The following RHBDF2 variants were observed in gnomAD, a reference collection of about 807,000 sequenced individuals.
The protein encoded by RHBDF2 is rhomboid 5 homolog 2, also known as inactive rhomboid protein 2.
In RHBDF2, 38 loss-of-function variants were observed where a neutral mutation model predicts 95.2. That is an observed-to-expected ratio of 0.40 (90% CI 0.31 to 0.52). RHBDF2 has a LOEUF of 0.52. RHBDF2 is among the 20% of genes least tolerant of loss of function. The pLI, the probability that RHBDF2 is intolerant of heterozygous loss-of-function variation, is 0.56. For synonymous variants in RHBDF2, 442 were observed against 462.0 expected (o/e 0.96, Z 0.55); for missense variants, 863 against 1,137.7 (o/e 0.76, Z 3.47).
chr17:76,481,504 A>C lies in RHBDF2; in HGVS notation c.21T>G (p.Asn7Lys). Reference sequence around the variant, plus strand: ...TGGACACAGAGGACACGCTCCCGCCATTCTTGTCAGCAGAGGCCATTGTGG... The same window carrying C: ...TGGACACAGAGGACACGCTCCCGCCCTTCTTGTCAGCAGAGGCCATTGTGG... MASADK[N>K]GGSVSSVSSS... Residue 7 changes from asparagine to lysine, a missense_variant, in exon 3 of 19, where the codon AAT becomes AAG. By Grantham distance (94) the Asn-to-Lys change is moderately conservative. This residue lies in a region of RHBDF2 where 611 missense variants were observed against 725.5 expected (regional missense o/e 0.84). Transcript: ENST00000675367. 1 of 1,610,710 alleles carries C rather than the reference A, an allele frequency of 6.2e-7. No homozygotes were observed.
intron 2 of RHBDF2, 37 bp from the exon 3 acceptor site, chr17:76,481,582 C>G (rs1056267843): frequency 4.8e-5 from 75 of 1,554,868 alleles, no homozygotes; most frequent in Middle Eastern, 2.1e-4. Flanking sequence ...GTGGGCGGTG[C>G]GGGGTGGCGC....
chr17:76,492,196 G>T (rs985625765), intron 1 of RHBDF2, among the ~76,000 whole-genome samples: 1 of 152,200 alleles, frequency 6.6e-6, no homozygotes, highest in Non-Finnish European at 1.5e-5. Context: ...CTCCTTTAGG[G>T]TGGGGCGGGG....
At chr17:76,490,261 G>A (rs7207683) in intron 1 of RHBDF2, among the ~76,000 whole-genome samples, 49,740 of 152,018 alleles carry the variant, frequency 0.33, 9,076 homozygotes, top group East Asian at 0.62. Flanking sequence ...CTTCCATCCC[G>A]AAGTGCTGGG....
intron 2 of RHBDF2, among the ~76,000 whole-genome samples, chr17:76,485,350 G>T (rs1341017122): frequency 6.6e-6 from 1 of 150,754 alleles, no homozygotes; most frequent in Non-Finnish European, 1.5e-5. Flanking sequence ...GGTGGAGTTA[G>T]CGGTGAGCCG....
Position 76,473,075 on chromosome 17 carries a change from G to C in RHBDF2, c.1840C>G (p.Leu614Val). 1 of 1,614,080 alleles carries C rather than the reference G, an allele frequency of 6.2e-7. No individual in the cohort carries two copies. The highest frequency in any genetic ancestry group is 1.1e-5 in the South Asian group (1 of 91,084). The part of the protein sequence containing the change: ...VHCLDKVCGL[L>V]PFLNPEVPDQ... ...GGGACCTCAGGGTTGAGGAAGGGCA[G>C]CAGCCCACACACCTTGTCCAAGCAG... The change falls in exon 17 of 19, where the codon CTG (leucine) becomes GTG (valine). Residue 614 changes from leucine (L) to valine (V), a missense_variant. Transcript: ENST00000675367.
rs911005069 is a variant in RHBDF2, at chr17:76,472,428, T to C, written c.2064+258A>G. 6.3e-5 allele frequency: 38 copies of C among 598,476 alleles called. 1 individual carries two copies. The highest frequency in any genetic ancestry group is 9.9e-5 in the Non-Finnish European group (33 of 332,646). The allele number at this position is 598,476 out of a possible 1,614,324, so 37.1% of individuals were successfully genotyped here. A position where few individuals can be genotyped will look rare whatever the true frequency, so the allele number is the denominator to read the frequency against. On this transcript the variant is annotated intron_variant, in intron 18 of 18. Coordinates refer to ENST00000675367, the MANE Select transcript of RHBDF2 (RefSeq NM_001005498.4). ...TCCTACCGCTCGACCTGCAGATACC[T>C]AGCATACTGTCAGGCAGTGGGCACG...
At chr17:76,489,210 G>A (rs1225125344) in intron 1 of RHBDF2, among the ~76,000 whole-genome samples, 1 of 152,126 alleles carries the variant, frequency 6.6e-6, no homozygotes, top group East Asian at 1.9e-4. Flanking sequence ...GATACTTAAG[G>A]CAAAGTTCAA....
chr17:76,474,386 C>T lies in RHBDF2; in HGVS notation c.1451G>A (p.Arg484Gln), dbSNP rs763605935. The T allele has an allele frequency of 5.2e-5, 84 of 1,613,116 alleles. 1 individual carries two copies. In the Middle Eastern group the frequency reaches 3.2e-3, roughly 62 times the overall value. Residue 484 changes from arginine (R) to glutamine (Q), a missense_variant, in exon 12 of 19, where the codon CGG becomes CAG. Arg to Gln is a conservative substitution (Grantham distance 43). Coordinates refer to ENST00000675367, the MANE Select transcript of RHBDF2 (RefSeq NM_001005498.4). ...NDHSGCIQTQRKDCSETLATF... is the reference protein window; with the variant it reads ...NDHSGCIQTQQKDCSETLATF... ...GCCTGCCCCCACCGAGCAGTCCTTC[C>T]GCTGGGTCTGGATGCATCCGGAGTG...
intron 1 of RHBDF2, among the ~76,000 whole-genome samples, chr17:76,489,325 G>GTT (rs71161301): frequency 0.34 from 44,556 of 131,438 alleles, 8,475 homozygotes; most frequent in Middle Eastern, 0.48. Flanking sequence ...GGGCATTCCT[G>GTT]TTTTTTTTTT....
At position 76,490,634 on chromosome 17, in the gene RHBDF2, C is replaced by T. The variant is rs141812033; in HGVS notation, c.-219-2725G>A. Among the ~76,000 whole-genome samples the T allele has an allele frequency of 7.2e-5, 11 of 152,170 alleles. No individual in the cohort carries two copies. The East Asian group carries it at 1.5e-3, about 21-fold the overall frequency. On this transcript the variant is annotated intron_variant, in intron 1 of 18. Coordinates refer to ENST00000675367, the MANE Select transcript of RHBDF2 (RefSeq NM_001005498.4). Reference sequence around the variant, plus strand: ...CTCCAGACTCCAGCTCAGTTAAGGTCGCCAAGCAGGTAGGATCTTTCTGGA... The same window carrying T: ...CTCCAGACTCCAGCTCAGTTAAGGTTGCCAAGCAGGTAGGATCTTTCTGGA...
intron 9 of RHBDF2, chr17:76,476,625 G>A: frequency 1.5e-6 from 1 of 663,222 alleles, no homozygotes; most frequent in Non-Finnish European, 2.4e-6. Context: ...TGGGGTGGAA[G>A]AGAGGCAGCA....
intron 1 of RHBDF2, among the ~76,000 whole-genome samples, chr17:76,497,052 C>T (rs990209774): frequency 6.6e-6 from 1 of 152,184 alleles, no homozygotes; most frequent in Non-Finnish European, 1.5e-5. Flanking sequence ...TGAGCCACCG[C>T]GCCTGGCCCC....
chr17:76,477,575 G>T, intron 7 of RHBDF2, 82 bp downstream of exon 7: 1 of 1,481,174 alleles, frequency 6.8e-7, no homozygotes, highest in Non-Finnish European at 9.3e-7. Context: ...AGGGGTTCCT[G>T]AATATGATCA....
intron 2 of RHBDF2, among the ~76,000 whole-genome samples, chr17:76,486,219 C>T (rs944605567): frequency 6.6e-6 from 1 of 152,184 alleles, no homozygotes; most frequent in Non-Finnish European, 1.5e-5. Context: ...AAGCGATTCT[C>T]CTGCCTCAGT....
intron 17 of RHBDF2, 76 bp downstream of exon 17, chr17:76,472,929 C>T: frequency 6.3e-7 from 1 of 1,595,942 alleles, no homozygotes; most frequent in Non-Finnish European, 8.6e-7. Flanking sequence ...TGCCCTGGCC[C>T]AGGAACCTTT....
intron 3 of RHBDF2, 154 bp from the exon 4 acceptor site, chr17:76,480,008 TG>T: frequency 2.1e-5 from 1 of 47,758 alleles, no homozygotes; most frequent in Non-Finnish European, 3.5e-5. Flanking sequence ...ATATATATAA[TG>T]TGTGTGTGTG....
Position 76,477,640 on chromosome 17 carries a change from C to T in RHBDF2, c.801+17G>A, listed in dbSNP as rs1185344265. ...GCCACCCCACCCAACTCCTGCTGTC[C>T]CACACCCCATGCTTGCCTTACTAAA... On this transcript the variant is annotated intron_variant, in intron 7 of 18. Transcript: ENST00000675367. The T allele has an allele frequency of 1.2e-6, 2 of 1,613,522 alleles. No homozygotes were observed. The highest frequency in any genetic ancestry group is 1.7e-6 in the Non-Finnish European group (2 of 1,179,622).
At chr17:76,481,212 C>T (rs911586285) in intron 3 of RHBDF2, among the ~76,000 whole-genome samples, 163 bp downstream of exon 3, 3 of 152,192 alleles carry the variant, frequency 2.0e-5, no homozygotes, top group African/African-American at 4.8e-5. Flanking sequence ...TGTGATATTT[C>T]GGGCCCAGGA....
In RHBDF2 at chr17:76,472,903, C is replaced by A. The variant is rs546961489; in HGVS notation, c.1911-64G>T. The A allele has an allele frequency of 4.0e-4, 636 of 1,578,334 alleles. 1 individual carries two copies. In the African/African-American group the frequency reaches 7.5e-3, roughly 19 times the overall value. ...GCACTTCAGGAGCAGTAGGCTTCGG[C>A]AGGTTGGGCCGGCCATGCCCTGGCC... On this transcript the variant is annotated intron_variant, in intron 17 of 18. Transcript: ENST00000675367.
Sources: gnomAD v4.1 joint callset for allele counts (sites outside exome capture counted in the v4.1 genomes callset) on GRCh38, gnomAD v4.1.1 for gene constraint, gnomAD v4.1.1 regional missense constraint, MANE v1.5 for transcripts, NCBI Gene and HGNC (gene_info 2026-07-23, HGNC 2026-07-21) for gene names.